PAQR5: variants seen among roughly 807,000 people sequenced by gnomAD.
PAQR5 encodes membrane progestin receptor gamma.
PAQR5 carries 20 observed loss-of-function variants against 34.5 expected under a neutral mutation model. The ratio of observed to expected loss-of-function variants is 0.58; its 90% CI spans 0.41 to 0.84. PAQR5 has a LOEUF of 0.84. PAQR5 is among the 40% of genes least tolerant of loss of function. The pLI, the probability that PAQR5 is intolerant of heterozygous loss-of-function variation, is 0.00. For synonymous variants in PAQR5, 131 were observed against 155.6 expected (o/e 0.84, Z 1.18); for missense variants, 378 against 412.7 (o/e 0.92, Z 0.73).
intron 2 of PAQR5, among the ~76,000 whole-genome samples, chr15:69,347,770 A>G (rs1174256722): frequency 6.6e-6 from 1 of 152,126 alleles, no homozygotes; most frequent in African/African-American, 2.4e-5. Flanking sequence ...GTGTCTTCCT[A>G]TGGCTGAAGG....
intron 3 of PAQR5, among the ~76,000 whole-genome samples, chr15:69,369,744 G>T (rs538768480): frequency 1.1e-3 from 22 of 20,192 alleles, no homozygotes; most frequent in African/African-American, 1.7e-3. Flanking sequence ...TTTTGGGAGA[G>T]ATTTTTTTTT....
chr15:69,318,996 T>TGC (rs1234017463), intron 1 of PAQR5, among the ~76,000 whole-genome samples: 1 of 150,992 alleles, frequency 6.6e-6, no homozygotes, highest in African/African-American at 2.4e-5. Flanking sequence ...TAGCTAGGCG[T>TGC]GGTAGGGGGC....
intron 5 of PAQR5, among the ~76,000 whole-genome samples, chr15:69,389,367 G>A (rs1382537183): frequency 6.6e-6 from 1 of 152,224 alleles, no homozygotes; most frequent in Non-Finnish European, 1.5e-5. Context: ...TGTACAATGA[G>A]GATAAGTGCA....
At chr15:69,382,698 A>ATGTATGTATG (rs2055928660) in intron 4 of PAQR5, among the ~76,000 whole-genome samples, 1 of 83,980 alleles carries the variant, frequency 1.2e-5, no homozygotes, top group African/African-American at 4.5e-5. Context: ...ATATATATAT[A>ATGTATGTATG]TATATATGTA....
At chr15:69,403,478 G>T in intron 8 of PAQR5, 103 bp from the exon 9 acceptor site, 1 of 1,052,720 alleles carries the variant, frequency 9.5e-7, no homozygotes, top group South Asian at 1.6e-5. Flanking sequence ...TCTCCTGTCT[G>T]GTTTCTTTCA....
intron 1 of PAQR5, among the ~76,000 whole-genome samples, chr15:69,304,613 A>G (rs113453407): frequency 0.026 from 3,891 of 152,276 alleles, 176 homozygotes; most frequent in African/African-American, 0.088. Flanking sequence ...GTTTTGCCTT[A>G]CACAGTCTTC....
chr15:69,369,932 GA>G (rs1172685521), intron 3 of PAQR5, among the ~76,000 whole-genome samples: 2 of 152,176 alleles, frequency 1.3e-5, no homozygotes, highest in Non-Finnish European at 2.9e-5. Flanking sequence ...CTCTGATGGT[GA>G]ATGCAGCTTA....
chr15:69,315,923 G>A (rs2053935788), intron 1 of PAQR5, among the ~76,000 whole-genome samples: 1 of 152,074 alleles, frequency 6.6e-6, no homozygotes, highest in Non-Finnish European at 1.5e-5. Flanking sequence ...CAGTCCTTGG[G>A]TCAGGAGCTC....
At chr15:69,299,290 G>C (rs2053467673) in intron 1 of PAQR5, among the ~76,000 whole-genome samples, 1 of 152,150 alleles carries the variant, frequency 6.6e-6, no homozygotes, top group Admixed American at 6.5e-5. Flanking sequence ...GGCGGCCGCC[G>C]CCGTGCAGAA....
chr15:69,371,957 T>G lies in PAQR5; in HGVS notation c.52-7926T>G, dbSNP rs118184711. On this transcript the variant is annotated intron_variant, in intron 3 of 8. Coordinates refer to ENST00000395407, the MANE Select transcript of PAQR5 (RefSeq NM_017705.4). ...TCCTATATCTTACCTAAATCAAATCTAAGCGTTTAACAGCATGGATTTGTT... is the reference window on the plus strand; with the variant it reads ...TCCTATATCTTACCTAAATCAAATCGAAGCGTTTAACAGCATGGATTTGTT... 1.6e-3 allele frequency among the ~76,000 whole-genome samples: 241 copies of G among 152,324 alleles called. 3 individuals are homozygous for G. The East Asian group carries it at 0.022, about 14-fold the overall frequency.
At chr15:69,317,227 CAA>C (rs1292577532) in intron 1 of PAQR5, among the ~76,000 whole-genome samples, 1 of 152,236 alleles carries the variant, frequency 6.6e-6, no homozygotes, top group Non-Finnish European at 1.5e-5. Flanking sequence ...CTTCGGGACT[CAA>C]AGCCTGGGTG....
chr15:69,390,360 A>ATTTTTTT lies in PAQR5; in HGVS notation c.512+581_512+587dup, dbSNP rs543005498. ...TATTTATTTATTTATTTATTTATTT[A>ATTTTTTT]TTTTTTTGAGACAGGGTCTCTCTCT... On this transcript the variant is annotated intron_variant, in intron 6 of 8. Coordinates refer to ENST00000395407, the MANE Select transcript of PAQR5 (RefSeq NM_017705.4). 9.6e-5 allele frequency among the ~76,000 whole-genome samples: 13 copies of ATTTTTTT among 135,888 alleles called. 1 individual carries two copies. Among genetic ancestry groups the ATTTTTTT allele is most frequent in the East Asian group, 2.1e-4 (1 of 4,716 alleles). The allele number at this position is 135,888 out of a possible 152,430, so 89.1% of individuals were successfully genotyped here. A position where few individuals can be genotyped will look rare whatever the true frequency, so the allele number is the denominator to read the frequency against.
intron 2 of PAQR5, among the ~76,000 whole-genome samples, chr15:69,342,543 G>A (rs980064079): frequency 7.9e-5 from 12 of 152,104 alleles, no homozygotes; most frequent in African/African-American, 2.9e-4. Flanking sequence ...TTGATCACAT[G>A]TTTTAAGGTA....
intron 2 of PAQR5, among the ~76,000 whole-genome samples, chr15:69,356,201 G>A (rs757659818): frequency 1.3e-5 from 2 of 152,172 alleles, no homozygotes; most frequent in Non-Finnish European, 2.9e-5. Context: ...GATTTCTATT[G>A]TTGTCTGAGG....
rs1209988618 is a variant in PAQR5, at chr15:69,379,985, A to T, written c.154A>T (p.Ile52Phe). The change falls in exon 4 of 9, where the codon ATT becomes TTT. Residue 52 changes from isoleucine (I) to phenylalanine (F), a missense_variant. Transcript: ENST00000395407. ...LFQMTNETLNIWTHLLPFWFF... is the reference protein window; with the variant it reads ...LFQMTNETLNFWTHLLPFWFF... ...CCAAATGACCAATGAGACTCTCAAC[A>T]TTTGGACTCACTTGCTGCCCTTCTG... 1 of 1,614,112 alleles carries T rather than the reference A, an allele frequency of 6.2e-7. No homozygotes were observed. Among genetic ancestry groups the T allele is most frequent in the African/African-American group, 1.3e-5 (1 of 75,026 alleles).
intron 2 of PAQR5, among the ~76,000 whole-genome samples, chr15:69,355,231 G>A (rs917769212): frequency 1.3e-5 from 2 of 151,564 alleles, no homozygotes; most frequent in African/African-American, 2.4e-5. Context: ...ACTTGGTTCT[G>A]CCTTTCTGGA....
chr15:69,325,952 C>A (rs1413984661), intron 1 of PAQR5, among the ~76,000 whole-genome samples: 1 of 152,150 alleles, frequency 6.6e-6, no homozygotes, highest in Non-Finnish European at 1.5e-5. Flanking sequence ...CTTGGTGGGA[C>A]CTCAGGTATT....
chr15:69,313,768 G>A (rs377687685), intron 1 of PAQR5, among the ~76,000 whole-genome samples: 2 of 152,006 alleles, frequency 1.3e-5, no homozygotes, highest in Non-Finnish European at 2.9e-5. Context: ...ACCCTGGGGT[G>A]GGGGGGTGAC....
At chr15:69,398,547 G>C (rs1329795569) in intron 7 of PAQR5, among the ~76,000 whole-genome samples, 1 of 152,190 alleles carries the variant, frequency 6.6e-6, no homozygotes, top group Non-Finnish European at 1.5e-5. Flanking sequence ...CTGTGGGCTT[G>C]AAGAATAAAG....
Sources: gnomAD v4.1 joint callset for allele counts (sites outside exome capture counted in the v4.1 genomes callset) on GRCh38, gnomAD v4.1.1 for gene constraint, MANE v1.5 for transcripts, NCBI Gene and HGNC (gene_info 2026-07-23, HGNC 2026-07-21) for gene names.